SYNPO2: variants seen among roughly 807,000 people sequenced by gnomAD.
SYNPO2 encodes the protein synaptopodin-2.
In SYNPO2, 56 loss-of-function variants were observed where a neutral mutation model predicts 85.0. The ratio of observed to expected loss-of-function variants is 0.66; its 90% CI spans 0.53 to 0.82. SYNPO2 has a LOEUF of 0.82. Among genes scored for constraint, SYNPO2 ranks in the 40% least tolerant of loss-of-function variants. The pLI is 0.00. For missense variants in SYNPO2, 1,575 were observed against 1,534.2 expected, an observed-to-expected ratio of 1.03 and a Z score of -0.44; for synonymous variants, 602 against 591.1, an observed-to-expected ratio of 1.02 and a Z score of -0.27.
At chr4:118,957,584 T>G (rs1734924841) in intron 1 of SYNPO2, among the ~76,000 whole-genome samples, 1 of 152,214 alleles carries the variant, frequency 6.6e-6, no homozygotes, top group Admixed American at 6.5e-5. Context: ...ACTAAATACA[T>G]GGTAGCTACT....
intron 1 of SYNPO2, among the ~76,000 whole-genome samples, chr4:119,007,080 C>G (rs538554105): frequency 1.3e-5 from 2 of 150,232 alleles, no homozygotes; most frequent in Non-Finnish European, 3.0e-5. Flanking sequence ...TGATCTCTAA[C>G]TTCAAGAGGC....
At chr4:118,953,887 C>A (rs555946419) in intron 1 of SYNPO2, among the ~76,000 whole-genome samples, 1 of 152,144 alleles carries the variant, frequency 6.6e-6, no homozygotes, top group Non-Finnish European at 1.5e-5. Context: ...AAACTGGACC[C>A]TCTGGGCTTG....
At chr4:118,918,938 A>G (rs899429904) in intron 1 of SYNPO2, among the ~76,000 whole-genome samples, 2 of 152,258 alleles carry the variant, frequency 1.3e-5, no homozygotes, top group African/African-American at 4.8e-5. Flanking sequence ...GTTTTTAAAA[A>G]TATTATTAAT....
At position 119,030,984 on chromosome 4, in the gene SYNPO2, A is replaced by G; in HGVS notation, c.2209A>G (p.Ser737Gly). Reference sequence around the variant, plus strand: ...TTCCGGACCGGAAGAAGACTACCTCAGCTTGGGGGCAGAGGCTTGTAATTT... The same window carrying G: ...TTCCGGACCGGAAGAAGACTACCTCGGCTTGGGGGCAGAGGCTTGTAATTT... Reference protein sequence around the residue: ...GDSGPEEDYLSLGAEACNFMQ... With the variant: ...GDSGPEEDYLGLGAEACNFMQ... Residue 737 changes from serine (S) to glycine (G), a missense_variant, in exon 4 of 5, where the codon AGC becomes GGC. This residue lies in a region of SYNPO2 where 1,508 missense variants were observed against 1,446.8 expected (regional missense o/e 1.04). Coordinates refer to ENST00000307142, the MANE Select transcript of SYNPO2 (RefSeq NM_133477.3). The G allele has an allele frequency of 6.2e-7, 1 of 1,614,178 alleles. No individual in the cohort carries two copies. Among genetic ancestry groups the G allele is most frequent in the African/African-American group, 1.3e-5 (1 of 75,056 alleles).
intron 1 of SYNPO2, among the ~76,000 whole-genome samples, chr4:118,907,304 T>C (rs1732970861): frequency 1.3e-5 from 2 of 152,152 alleles, no homozygotes; most frequent in Non-Finnish European, 2.9e-5. Context: ...CCAATATGAT[T>C]TATAGCTTTT....
At chr4:119,004,472 C>A (rs1004089998) in intron 1 of SYNPO2, among the ~76,000 whole-genome samples, 1 of 147,714 alleles carries the variant, frequency 6.8e-6, no homozygotes, top group African/African-American at 2.5e-5. Flanking sequence ...TGAGAACATG[C>A]GGTGTTTGGT....
At chr4:118,892,522 T>G (rs1433995116) in intron 1 of SYNPO2, among the ~76,000 whole-genome samples, 6 of 152,180 alleles carry the variant, frequency 3.9e-5, no homozygotes, top group Non-Finnish European at 8.8e-5. Flanking sequence ...ACTCTCTCTT[T>G]TGGGACATGT....
intron 1 of SYNPO2, among the ~76,000 whole-genome samples, chr4:118,929,177 G>A (rs1223114594): frequency 6.6e-6 from 1 of 152,050 alleles, no homozygotes; most frequent in African/African-American, 2.4e-5. Flanking sequence ...GGAAAGGATG[G>A]AGGGAAAGAG....
At chr4:119,010,468 G>A (rs1394350240) in intron 1 of SYNPO2, among the ~76,000 whole-genome samples, 1 of 152,126 alleles carries the variant, frequency 6.6e-6, no homozygotes, top group Non-Finnish European at 1.5e-5. Context: ...CAATATGGGG[G>A]AACTACCCCC....
chr4:118,963,214 T>C (rs1735174876), intron 1 of SYNPO2, among the ~76,000 whole-genome samples: 1 of 152,210 alleles, frequency 6.6e-6, no homozygotes, highest in African/African-American at 2.4e-5. Context: ...TCTTATTAGA[T>C]CATTACAGTG....
chr4:118,915,816 G>A (rs966009299), intron 1 of SYNPO2, among the ~76,000 whole-genome samples: 3 of 151,996 alleles, frequency 2.0e-5, no homozygotes, highest in African/African-American at 4.8e-5. Context: ...GGCATCCTGC[G>A]GCTCTACAAC....
intron 1 of SYNPO2, among the ~76,000 whole-genome samples, chr4:118,879,466 T>G (rs1307464244): frequency 1.3e-5 from 2 of 152,136 alleles, no homozygotes; most frequent in South Asian, 2.1e-4. Flanking sequence ...AGTGCCCCTG[T>G]AAGACGAGAG....
chr4:119,029,972 G>C lies in SYNPO2; in HGVS notation c.1197G>C (p.Lys399Asn). 6.2e-7 allele frequency: 1 copy of C among 1,614,084 alleles called. No homozygotes were observed. The highest frequency in any genetic ancestry group is 2.2e-5 in the East Asian group (1 of 44,878). The change falls in exon 4 of 5, where the codon AAG becomes AAC. Residue 399 changes from lysine to asparagine, a missense_variant. By Grantham distance (94) the Lys-to-Asn change is moderately conservative. Around this residue, in one of 3 missense-constraint regions of SYNPO2, gnomAD observed 1,508 missense variants for 1,446.8 expected, o/e 1.04. Transcript: ENST00000307142. ...PNSKGVLMFK[K>N]RRRRARKYTL... is the part of the protein sequence containing the mutation. ...CCAAGGGGGTGTTGATGTTTAAGAA[G>C]CGACGTCGGAGGGCCAGGAAATACA... is the stretch of plus-strand genomic sequence containing the variant.
chr4:118,926,804 C>T lies in SYNPO2; in HGVS notation c.105+37663C>T, dbSNP rs76432164. On this transcript the variant is annotated intron_variant, in intron 1 of 4. Coordinates refer to ENST00000307142, the MANE Select transcript of SYNPO2 (RefSeq NM_133477.3). ...TTATTATAGTCAAATAGGCTTTTCT[C>T]TAGAGGAGCAGGGTGCTGTTGTCCA... 6.0e-4 allele frequency among the ~76,000 whole-genome samples: 91 copies of T among 152,264 alleles called. 2 individuals are homozygous for T. In the East Asian group the frequency reaches 0.016, roughly 27 times the overall value.
At chr4:118,876,468 T>G (rs1490162555) in intron 1 of SYNPO2, among the ~76,000 whole-genome samples, 1 of 152,196 alleles carries the variant, frequency 6.6e-6, no homozygotes, top group African/African-American at 2.4e-5. Context: ...TGTTTACTTA[T>G]GTATTGTCTG....
Position 118,982,740 on chromosome 4 carries a change from A to G in SYNPO2, c.106-40690A>G, listed in dbSNP as rs1385814685. On this transcript the variant is annotated intron_variant, in intron 1 of 4. Coordinates refer to ENST00000307142, the MANE Select transcript of SYNPO2 (RefSeq NM_133477.3). ...CACTGCATACATACCTAAATAACAGACCAATCATTGATTTCCAGAAACCTG... is the reference window on the plus strand; with the variant it reads ...CACTGCATACATACCTAAATAACAGGCCAATCATTGATTTCCAGAAACCTG... 2.6e-5 allele frequency among the ~76,000 whole-genome samples: 4 copies of G among 152,184 alleles called. 1 individual carries two copies. The South Asian group carries it at 8.3e-4, about 32-fold the overall frequency.
intron 1 of SYNPO2, among the ~76,000 whole-genome samples, chr4:118,897,786 G>A (rs1300515125): frequency 1.3e-5 from 2 of 152,164 alleles, no homozygotes; most frequent in African/African-American, 4.8e-5. Flanking sequence ...ACCAGGGCTT[G>A]TGTTCTAAGC....
intron 1 of SYNPO2, among the ~76,000 whole-genome samples, chr4:119,015,577 C>T (rs929852934): frequency 6.6e-6 from 1 of 152,122 alleles, no homozygotes. Context: ...GATTCCAATT[C>T]ATTTCCTTTA....
At chr4:118,980,700 A>T (rs960696535) in intron 1 of SYNPO2, among the ~76,000 whole-genome samples, 1 of 152,212 alleles carries the variant, frequency 6.6e-6, no homozygotes, top group Non-Finnish European at 1.5e-5. Flanking sequence ...TAGCTGGAAA[A>T]GAAGCACATA....
Sources: allele counts gnomAD v4.1 joint callset (sites outside exome capture counted in the v4.1 genomes callset), GRCh38; gene constraint gnomAD v4.1.1; regional missense constraint gnomAD v4.1.1; transcripts MANE v1.5; gene names NCBI Gene and HGNC (gene_info 2026-07-23, HGNC 2026-07-21).